The following IL13RA1 variants were observed in gnomAD, a reference collection of about 807,000 sequenced individuals.
The protein encoded by IL13RA1 is interleukin 13 receptor subunit alpha 1, also known as interleukin-13 receptor subunit alpha-1.
A neutral mutation model predicts 33.8 loss-of-function variants in IL13RA1; 14 were observed. The ratio of observed to expected loss-of-function variants is 0.41; its 90% CI spans 0.27 to 0.65. IL13RA1 has a LOEUF of 0.65. Ranked by LOEUF, IL13RA1 falls within the 30% of genes least tolerant of loss-of-function variation. The probability of loss-of-function intolerance (pLI) is 0.28; values close to 1 mark genes in which losing one functional copy is unlikely to be tolerated. For missense variants in IL13RA1, 313 were observed against 327.0 expected (o/e 0.96, Z 0.33); for synonymous variants, 116 against 115.7 (o/e 1.00, Z -0.02).
At chrX:118,751,220 G>A (rs187288726) in intron 4 of IL13RA1, among the ~76,000 whole-genome samples, 1 of 112,467 alleles carries the variant, frequency 8.9e-6, no homozygotes, top group East Asian at 2.8e-4. Context: ...TTCTAAGTTA[G>A]TCTTCCATCA....
At chrX:118,783,988 A>C (rs1240048958) in intron 10 of IL13RA1, among the ~76,000 whole-genome samples, 1 of 98,450 alleles carries the variant, frequency 1.0e-5, no homozygotes, top group Non-Finnish European at 2.0e-5. Flanking sequence ...AGGCAGGAGA[A>C]TCGCTTAAGC....
chrX:118,776,394 A>G (rs745812439), intron 9 of IL13RA1, 33 bp from the exon 10 acceptor site: 3 of 624,467 alleles, frequency 4.8e-6, no homozygotes, highest in Non-Finnish European at 8.2e-6. Flanking sequence ...ATGGACTGGA[A>G]GGTTTGAATC....
At chrX:118,731,281 A>G (rs2147361629) in intron 1 of IL13RA1, among the ~76,000 whole-genome samples, 1 of 111,844 alleles carries the variant, frequency 8.9e-6, no homozygotes, top group South Asian at 3.7e-4. Flanking sequence ...TCAACAGAAA[A>G]CCAAAGCAAC....
chrX:118,761,112 A>C (rs959007640), intron 5 of IL13RA1, 26 bp from the exon 6 acceptor site: 35 of 825,099 alleles, frequency 4.2e-5, no homozygotes, highest in Non-Finnish European at 6.0e-5. Context: ...TTGGAAGCTT[A>C]CTTGTGTTCT....
At chrX:118,799,405 A>G (rs1569461088), downstream of IL13RA1, among the ~76,000 whole-genome samples, 2 of 113,397 alleles carry the variant, frequency 1.8e-5, no homozygotes, top group Non-Finnish European at 3.7e-5. Flanking sequence ...CACGAGGTGA[A>G]GCCAGCTGAG....
the IL13RA1 span, among the ~76,000 whole-genome samples, chrX:118,801,862 A>C: frequency 2.7e-5 from 3 of 112,665 alleles, no homozygotes; most frequent in Non-Finnish European, 5.6e-5. Context: ...TTTTCCAATT[A>C]TACTGTTTTT....
chrX:118,787,164 G>A (rs1344033003), intron 10 of IL13RA1, among the ~76,000 whole-genome samples: 1 of 111,464 alleles, frequency 9.0e-6, no homozygotes, highest in African/African-American at 3.3e-5. Flanking sequence ...ATATTTCAAC[G>A]TAAGTTCTTT....
intron 2 of IL13RA1, among the ~76,000 whole-genome samples, chrX:118,742,843 T>C (rs1302285226): frequency 8.9e-6 from 1 of 111,738 alleles, no homozygotes; most frequent in Non-Finnish European, 1.9e-5. Context: ...ACAGAGTTAG[T>C]GCTAGGTAAT....
chrX:118,759,293 A>G (rs1474058631), intron 5 of IL13RA1, among the ~76,000 whole-genome samples: 1 of 112,364 alleles, frequency 8.9e-6, no homozygotes, highest in Non-Finnish European at 1.9e-5. Context: ...GGAATATATA[A>G]TCTCCCTCTA....
chrX:118,766,696 A>C (rs1271284921), intron 7 of IL13RA1, 119 bp downstream of exon 7: 2 of 591,262 alleles, frequency 3.4e-6, no homozygotes, highest in Non-Finnish European at 2.7e-6. Context: ...AGTTATTGAC[A>C]ATTTTTTCGA....
the IL13RA1 span, among the ~76,000 whole-genome samples, chrX:118,803,926 CTCTCTT>C: frequency 2.2e-5 from 2 of 92,606 alleles, no homozygotes; most frequent in African/African-American, 8.1e-5. Context: ...TCCTTCCTCT[CTCTCTT>C]TTTTTTCTTT....
chrX:118,771,487 A>C (rs1376790754), intron 8 of IL13RA1, among the ~76,000 whole-genome samples: 2 of 112,259 alleles, frequency 1.8e-5, no homozygotes, highest in Non-Finnish European at 3.8e-5. Context: ...ACTCCTCTGG[A>C]GATTCCTGTA....
chrX:118,746,800 AG>A (rs1456115112), intron 2 of IL13RA1, among the ~76,000 whole-genome samples, 153 bp from the exon 3 acceptor site: 3 of 111,256 alleles, frequency 2.7e-5, no homozygotes, highest in Non-Finnish European at 5.6e-5. Context: ...TGAGAGCGGT[AG>A]GGAGAACAAA....
chrX:118,735,875 T>G (rs893477030), intron 1 of IL13RA1, among the ~76,000 whole-genome samples: 1 of 111,401 alleles, frequency 9.0e-6, no homozygotes, highest in Non-Finnish European at 1.9e-5. Flanking sequence ...CCTCTTTCTC[T>G]CTCTTCTCCT....
At chrX:118,796,067 A>C (rs370971682), downstream of IL13RA1, among the ~76,000 whole-genome samples, 2 of 112,427 alleles carry the variant, frequency 1.8e-5, no homozygotes, top group Non-Finnish European at 3.8e-5. Flanking sequence ...GCTTTTTACT[A>C]TCTTTCCTAA....
intron 10 of IL13RA1, among the ~76,000 whole-genome samples, chrX:118,778,478 CA>C (rs1170882407): frequency 1.8e-5 from 2 of 111,187 alleles, no homozygotes; most frequent in Admixed American, 1.9e-4. Context: ...GAGTCACAGT[CA>C]ACTGGAGTGC....
intron 8 of IL13RA1, chrX:118,770,043 G>A: frequency 4.1e-6 from 1 of 246,312 alleles, no homozygotes; most frequent in Non-Finnish European, 7.7e-6. Context: ...GCTGGCCAGG[G>A]CTGTGTGCCA....
At chrX:118,748,477 A>G (rs1382110365) in intron 3 of IL13RA1, among the ~76,000 whole-genome samples, 1 of 108,585 alleles carries the variant, frequency 9.2e-6, no homozygotes, top group Non-Finnish European at 1.9e-5. Flanking sequence ...CAGCCTGGTC[A>G]ACATGGAGAA....
chrX:118,746,863 T>TA (rs879141332), intron 2 of IL13RA1, 91 bp from the exon 3 acceptor site: 37 of 659,028 alleles, frequency 5.6e-5, no homozygotes, highest in African/African-American at 1.1e-4. Context: ...ACTTTTTTGA[T>TA]AAAAAAAGCA....
Sources: allele counts gnomAD v4.1 joint callset (sites outside exome capture counted in the v4.1 genomes callset), GRCh38; gene constraint gnomAD v4.1.1; transcripts MANE v1.5; gene names NCBI Gene and HGNC (gene_info 2026-07-23, HGNC 2026-07-21).